The following ZNRF3 variants were observed in gnomAD, a reference collection of about 807,000 sequenced individuals.
The protein encoded by ZNRF3 is zinc and ring finger 3, also known as E3 ubiquitin-protein ligase ZNRF3.
Under a neutral mutation model 72.5 loss-of-function variants are expected in ZNRF3, and 23 were observed. The observed-to-expected ratio is 0.32, with a 90% CI of 0.23 to 0.45. The LOEUF (loss-of-function observed/expected upper bound fraction) is 0.45. Ranked by LOEUF, ZNRF3 falls within the 20% of genes least tolerant of loss-of-function variation. The pLI is 1.00. For synonymous variants in ZNRF3, 610 were observed against 545.3 expected, an observed-to-expected ratio of 1.12 and a Z score of -1.65; for missense variants, 1,169 against 1,272.1, an observed-to-expected ratio of 0.92 and a Z score of 1.23.
At chr22:29,035,136 G>A (rs1010226256) in intron 2 of ZNRF3, among the ~76,000 whole-genome samples, 4 of 151,532 alleles carry the variant, frequency 2.6e-5, no homozygotes, top group Admixed American at 6.6e-5. Context: ...GAGCCAACGC[G>A]CTCAGCCATG....
chr22:28,901,557 T>A (rs138426647), intron 1 of ZNRF3, among the ~76,000 whole-genome samples: 1,807 of 151,850 alleles, frequency 0.012, 19 homozygotes, highest in Admixed American at 0.018. Context: ...TGCTTTTTGC[T>A]GGCTCCTCTT....
At chr22:28,982,037 C>A (rs1257495920) in intron 1 of ZNRF3, among the ~76,000 whole-genome samples, 1 of 151,726 alleles carries the variant, frequency 6.6e-6, no homozygotes, top group African/African-American at 2.4e-5. Context: ...TCACTTTTTC[C>A]AAAGGTCTCT....
intron 1 of ZNRF3, among the ~76,000 whole-genome samples, chr22:28,908,378 A>G (rs938273699): frequency 2.0e-5 from 3 of 152,174 alleles, no homozygotes; most frequent in African/African-American, 7.2e-5. Context: ...ATCATGCTGT[A>G]GAGAAGGCAG....
rs71316877 is a variant in ZNRF3, at chr22:28,975,507, C to CAAA, written c.301-11550_301-11548dup. ...TGGGAGACAGAGCGATACTCTGTCT[C>CAAA]AAAAAAAAAAAAAAAAAAAAAGAGT... On this transcript the variant is annotated intron_variant, in intron 1 of 8. Transcript: ENST00000544604. 9.8e-3 allele frequency among the ~76,000 whole-genome samples: 465 copies of CAAA among 47,488 alleles called. 9 individuals are homozygous for CAAA. The highest frequency in any genetic ancestry group is 0.059 in the East Asian group (88 of 1,502). 31.2% of individuals were successfully genotyped at this position (47,488 alleles called of 152,430 possible).
intron 1 of ZNRF3, among the ~76,000 whole-genome samples, chr22:28,955,040 T>G (rs960868406): frequency 1.1e-4 from 16 of 149,642 alleles, no homozygotes; most frequent in African/African-American, 2.7e-4. Context: ...GTGTTTTTTT[T>G]TTTTTGTTTT....
At chr22:28,936,941 G>A (rs1205208247) in intron 1 of ZNRF3, among the ~76,000 whole-genome samples, 1 of 152,002 alleles carries the variant, frequency 6.6e-6, no homozygotes, top group Non-Finnish European at 1.5e-5. Context: ...TCAAAGAAGG[G>A]CATTGAGCGG....
intron 2 of ZNRF3, chr22:29,031,710 G>C (rs2036760984): frequency 2.3e-6 from 2 of 872,746 alleles, no homozygotes; most frequent in Non-Finnish European, 2.8e-6. Context: ...TCTCTGGCCT[G>C]GGGTAGGACC....
At chr22:28,981,991 TA>T (rs548196669) in intron 1 of ZNRF3, among the ~76,000 whole-genome samples, 40 of 145,978 alleles carry the variant, frequency 2.7e-4, no homozygotes, top group East Asian at 1.0e-3. Flanking sequence ...AGACTCCGTC[TA>T]AAAAAAAAAA....
At chr22:29,002,471 A>G (rs5752851) in intron 2 of ZNRF3, among the ~76,000 whole-genome samples, 6,913 of 152,316 alleles carry the variant, frequency 0.045, 299 homozygotes, top group East Asian at 0.15. Context: ...GTAGGCAAGT[A>G]ACAGCTGTCA....
intron 1 of ZNRF3, among the ~76,000 whole-genome samples, chr22:28,950,905 A>G (rs1480149667): frequency 6.6e-6 from 1 of 152,182 alleles, no homozygotes; most frequent in African/African-American, 2.4e-5. Flanking sequence ...TATCTTGCCA[A>G]ACTCTGAGAG....
intron 1 of ZNRF3, among the ~76,000 whole-genome samples, chr22:28,945,675 G>A (rs1309358686): frequency 6.6e-6 from 1 of 151,960 alleles, no homozygotes; most frequent in Non-Finnish European, 1.5e-5. Context: ...GACTACAGGG[G>A]GGCACCACCA....
chr22:28,934,365 G>A (rs1341213279), intron 1 of ZNRF3, among the ~76,000 whole-genome samples: 1 of 152,188 alleles, frequency 6.6e-6, no homozygotes, highest in African/African-American at 2.4e-5. Flanking sequence ...TTCATTGATA[G>A]CCATCGCTCA....
In ZNRF3 at chr22:29,030,649, G is replaced by C. The variant is rs1601687761; in HGVS notation, c.427-11846G>C. Among the ~76,000 whole-genome samples, 2 of 151,822 alleles carry C rather than the reference G, an allele frequency of 1.3e-5. No homozygotes were observed. The highest frequency in any genetic ancestry group is 3.9e-4 in the East Asian group (2 of 5,168). On this transcript the variant is annotated intron_variant, in intron 2 of 8. Transcript: ENST00000544604. The surrounding 1 kb of genome is among the most constrained non-coding windows in gnomAD (Gnocchi z 4.2). The stretch of plus-strand genomic sequence containing the variant: ...GGTGGCGAGGAGGGCACTTTCCCGG[G>C]TCGGAGAAGGCCGGATGGCAGCCCG...
chr22:28,969,122 C>T (rs931278847), intron 1 of ZNRF3, among the ~76,000 whole-genome samples: 1 of 152,188 alleles, frequency 6.6e-6, no homozygotes, highest in Non-Finnish European at 1.5e-5. Flanking sequence ...CCTTTCATAG[C>T]TGGGGCAGCC....
At chr22:28,916,268 T>C (rs989633869) in intron 1 of ZNRF3, among the ~76,000 whole-genome samples, 1 of 152,122 alleles carries the variant, frequency 6.6e-6, no homozygotes, top group Non-Finnish European at 1.5e-5. Context: ...CTCACTAGGT[T>C]GCCCAGGTTG....
intron 1 of ZNRF3, among the ~76,000 whole-genome samples, chr22:28,932,166 G>T (rs544440589): frequency 6.6e-6 from 1 of 152,346 alleles, no homozygotes; most frequent in East Asian, 1.9e-4. Flanking sequence ...TGTAACCAAG[G>T]TTGAAAGGAT....
At chr22:28,928,314 T>A (rs987421813) in intron 1 of ZNRF3, among the ~76,000 whole-genome samples, 6 of 152,160 alleles carry the variant, frequency 3.9e-5, no homozygotes, top group African/African-American at 1.4e-4. Context: ...ACTCACTTTT[T>A]AAAACCACCT....
intron 1 of ZNRF3, among the ~76,000 whole-genome samples, chr22:28,976,671 G>T (rs571780233): frequency 6.6e-6 from 1 of 152,188 alleles, no homozygotes; most frequent in Non-Finnish European, 1.5e-5. Flanking sequence ...TTCATAATAA[G>T]AACGATCAAA....
At chr22:29,001,472 CT>C (rs750297109) in intron 2 of ZNRF3, among the ~76,000 whole-genome samples, 732 of 124,948 alleles carry the variant, frequency 5.9e-3, no homozygotes, top group Non-Finnish European at 7.3e-3. Flanking sequence ...ATTTTTTAAA[CT>C]TTTTTTTTTT....
Sources: allele counts gnomAD v4.1 joint callset (sites outside exome capture counted in the v4.1 genomes callset), GRCh38; gene constraint gnomAD v4.1.1; non-coding constraint Gnocchi (gnomAD v3.1); transcripts MANE v1.5; gene names NCBI Gene and HGNC (gene_info 2026-07-23, HGNC 2026-07-21).